Variants in ABLIM1 observed in about 807,000 individuals in gnomAD.
ABLIM1 encodes the protein actin-binding LIM protein 1.
Under a neutral mutation model 107.0 loss-of-function variants are expected in ABLIM1, and 40 were observed. The observed-to-expected ratio is 0.37, with a 90% CI of 0.29 to 0.49. The LOEUF (loss-of-function observed/expected upper bound fraction) is 0.49. Ranked by LOEUF, ABLIM1 falls within the 20% of genes least tolerant of loss-of-function variation. The probability of loss-of-function intolerance (pLI) is 0.97; values close to 1 mark genes in which losing one functional copy is unlikely to be tolerated. For synonymous variants in ABLIM1, 357 were observed against 357.3 expected (o/e 1.00, Z 0.01); for missense variants, 857 against 1,008.5 (o/e 0.85, Z 2.04).
intron 1 of ABLIM1, among the ~76,000 whole-genome samples, chr10:114,636,773 C>T (rs1298105129): frequency 6.6e-6 from 1 of 152,114 alleles, no homozygotes. Flanking sequence ...TGGTGCATAC[C>T]TGTAATCCCA....
intron 1 of ABLIM1, among the ~76,000 whole-genome samples, chr10:114,716,842 TAA>T (rs34567416): frequency 0.13 from 17,858 of 134,514 alleles, 1,091 homozygotes; most frequent in African/African-American, 0.17. Context: ...CTGGAACTGT[TAA>T]AAAAAAAAAA....
At chr10:114,479,209 A>G (rs2056968838) in intron 8 of ABLIM1, among the ~76,000 whole-genome samples, 1 of 152,202 alleles carries the variant, frequency 6.6e-6, no homozygotes, top group African/African-American at 2.4e-5. Flanking sequence ...CAAGCACCTT[A>G]CTGGGCACAT....
chr10:114,438,028 C>T, intron 21 of ABLIM1, 104 bp from the exon 22 acceptor site: 1 of 1,097,398 alleles, frequency 9.1e-7, no homozygotes, highest in Non-Finnish European at 1.3e-6. Context: ...TTCCAAGAGA[C>T]TGTCATGACA....
the ABLIM1 span, among the ~76,000 whole-genome samples, chr10:114,776,733 C>T: frequency 3.3e-5 from 5 of 152,214 alleles, no homozygotes; most frequent in South Asian, 6.2e-4. Context: ...CCCGCCTCAG[C>T]CTCCCAAGTA....
At chr10:114,556,702 A>G (rs536996108) in intron 4 of ABLIM1, among the ~76,000 whole-genome samples, 1 of 152,308 alleles carries the variant, frequency 6.6e-6, no homozygotes, top group Admixed American at 6.5e-5. Context: ...TAGCAAGTGT[A>G]TATTGTTGAA....
At chr10:114,689,692 C>A (rs978494470), upstream of ABLIM1, among the ~76,000 whole-genome samples, 11 of 151,960 alleles carry the variant, frequency 7.2e-5, no homozygotes, top group Admixed American at 2.0e-4. Context: ...TTTTCTTTTC[C>A]TTTCCTTGCC....
chr10:114,516,017 T>C (rs2062755396), intron 6 of ABLIM1, among the ~76,000 whole-genome samples: 2 of 152,170 alleles, frequency 1.3e-5, no homozygotes, highest in African/African-American at 4.8e-5. Context: ...GGCTCCAAAA[T>C]ACAGCTGGTT....
chr10:114,466,504 T>C (rs1467807552), intron 11 of ABLIM1, among the ~76,000 whole-genome samples: 1 of 152,166 alleles, frequency 6.6e-6, no homozygotes, highest in East Asian at 1.9e-4. Flanking sequence ...CCCACTAATG[T>C]AGAAACATGG....
intron 12 of ABLIM1, among the ~76,000 whole-genome samples, 171 bp from the exon 13 acceptor site, chr10:114,453,654 G>A (rs1386790226): frequency 6.6e-6 from 1 of 152,204 alleles, no homozygotes; most frequent in Non-Finnish European, 1.5e-5. Flanking sequence ...GGTGATATCA[G>A]GTTTAGTTTT....
At chr10:114,758,425 G>A (rs1158719568) in intron 1 of ABLIM1, among the ~76,000 whole-genome samples, 1 of 152,174 alleles carries the variant, frequency 6.6e-6, no homozygotes, top group African/African-American at 2.4e-5. Flanking sequence ...CAATGCTTAA[G>A]TGATTCAAAA....
chr10:114,537,074 A>G (rs1203488464), intron 6 of ABLIM1, among the ~76,000 whole-genome samples: 1 of 152,208 alleles, frequency 6.6e-6, no homozygotes, highest in Non-Finnish European at 1.5e-5. Flanking sequence ...GGCCTTTACC[A>G]TCCACCAGGA....
chr10:114,478,497 C>T (rs1156295810), intron 8 of ABLIM1, among the ~76,000 whole-genome samples: 1 of 152,154 alleles, frequency 6.6e-6, no homozygotes, highest in African/African-American at 2.4e-5. Flanking sequence ...TTTCCCCATG[C>T]TGTTCTCATG....
At chr10:114,787,677 C>T in the ABLIM1 span, among the ~76,000 whole-genome samples, 3 of 139,644 alleles carry the variant, frequency 2.1e-5, no homozygotes, top group East Asian at 2.2e-4. Flanking sequence ...CCCCTCTGCC[C>T]GGCCAGCCAC....
intron 6 of ABLIM1, among the ~76,000 whole-genome samples, chr10:114,507,641 G>A (rs1461927814): frequency 1.3e-5 from 2 of 152,204 alleles, no homozygotes; most frequent in East Asian, 3.9e-4. Flanking sequence ...CACACCTGCT[G>A]TACCAGGCGC....
intron 1 of ABLIM1, among the ~76,000 whole-genome samples, chr10:114,695,122 A>G (rs1455601510): frequency 6.6e-6 from 1 of 152,230 alleles, no homozygotes; most frequent in Admixed American, 6.5e-5. Flanking sequence ...TTACATCTCC[A>G]TACATTATCC....
chr10:114,769,111 A>C (rs2082972464), upstream of ABLIM1, among the ~76,000 whole-genome samples: 1 of 141,314 alleles, frequency 7.1e-6, no homozygotes, highest in Non-Finnish European at 1.5e-5. Flanking sequence ...AGGTGGACGG[A>C]TCACTTGAGG....
upstream of ABLIM1, among the ~76,000 whole-genome samples, chr10:114,687,222 T>C (rs1013784627): frequency 6.6e-6 from 1 of 152,182 alleles, no homozygotes; most frequent in African/African-American, 2.4e-5. Flanking sequence ...AAGAGATAAA[T>C]AAGATAAGAA....
At chr10:114,573,562 C>A (rs550087092) in intron 3 of ABLIM1, among the ~76,000 whole-genome samples, 3 of 152,194 alleles carry the variant, frequency 2.0e-5, no homozygotes, top group African/African-American at 7.2e-5. Context: ...ACTGGGAACA[C>A]GGCCTTCCAA....
intron 6 of ABLIM1, among the ~76,000 whole-genome samples, chr10:114,493,497 C>A (rs2059278805): frequency 6.6e-6 from 1 of 152,172 alleles, no homozygotes; most frequent in Admixed American, 6.6e-5. Context: ...AAGGTGTACA[C>A]TTTTACCAAT....
Sources: gnomAD v4.1 joint callset for allele counts (sites outside exome capture counted in the v4.1 genomes callset) on GRCh38, gnomAD v4.1.1 for gene constraint, MANE v1.5 for transcripts, NCBI Gene and HGNC (gene_info 2026-07-23, HGNC 2026-07-21) for gene names.